The following NKAIN2 variants were observed in gnomAD, a reference collection of about 807,000 sequenced individuals.
The protein encoded by NKAIN2 is sodium/potassium transporting ATPase interacting 2, also known as sodium/potassium-transporting ATPase subunit beta-1-interacting protein 2.
NKAIN2 carries 14 observed loss-of-function variants against 32.6 expected under a neutral mutation model. The observed-to-expected ratio is 0.43, with a 90% CI of 0.28 to 0.67. NKAIN2 has a LOEUF of 0.67. Among genes scored for constraint, NKAIN2 ranks in the 30% least tolerant of loss-of-function variants. The pLI is 0.17. For synonymous variants in NKAIN2, 80 were observed against 87.2 expected, an observed-to-expected ratio of 0.92 and a Z score of 0.46; for missense variants, 198 against 258.3, an observed-to-expected ratio of 0.77 and a Z score of 1.60.
At chr6:124,378,139 G>A (rs1800070397) in intron 3 of NKAIN2, among the ~76,000 whole-genome samples, 2 of 152,116 alleles carry the variant, frequency 1.3e-5, no homozygotes, top group Non-Finnish European at 2.9e-5. Flanking sequence ...TGTGAAGCAG[G>A]TTCACTGTGC....
chr6:124,237,381 TGA>T (rs971088697), intron 1 of NKAIN2, among the ~76,000 whole-genome samples: 2 of 152,052 alleles, frequency 1.3e-5, no homozygotes, highest in African/African-American at 2.4e-5. Flanking sequence ...TTGTTTTTTT[TGA>T]GAGAGAGAGC....
At chr6:124,175,490 TGA>T (rs1449541895) in intron 1 of NKAIN2, among the ~76,000 whole-genome samples, 1 of 152,168 alleles carries the variant, frequency 6.6e-6, no homozygotes, top group African/African-American at 2.4e-5. Flanking sequence ...ATATATGATG[TGA>T]GTTTCACATA....
intron 3 of NKAIN2, among the ~76,000 whole-genome samples, chr6:124,622,728 C>T (rs548720343): frequency 8.5e-5 from 13 of 152,206 alleles, no homozygotes; most frequent in African/African-American, 3.1e-4. Context: ...TGGTCTTCCC[C>T]CGGAGTTGAG....
At chr6:124,460,470 C>T (rs1583286109) in intron 3 of NKAIN2, among the ~76,000 whole-genome samples, 4 of 143,136 alleles carry the variant, frequency 2.8e-5, no homozygotes, top group Admixed American at 2.7e-4. Context: ...TTTAGTTAAC[C>T]CTCATTCTTT....
chr6:124,358,122 T>G (rs1337203590), intron 3 of NKAIN2, among the ~76,000 whole-genome samples: 1 of 152,240 alleles, frequency 6.6e-6, no homozygotes, highest in Non-Finnish European at 1.5e-5. Context: ...TTTTTATGGC[T>G]GCATAGTATT....
chr6:124,445,446 G>A (rs1397736089), intron 3 of NKAIN2, among the ~76,000 whole-genome samples: 7 of 151,874 alleles, frequency 4.6e-5, no homozygotes, highest in Admixed American at 3.9e-4. Context: ...GCATTTTATT[G>A]TACATTTTAT....
At chr6:124,001,117 G>A (rs1330757105) in intron 1 of NKAIN2, among the ~76,000 whole-genome samples, 1 of 151,804 alleles carries the variant, frequency 6.6e-6, no homozygotes, top group Non-Finnish European at 1.5e-5. Flanking sequence ...CCAAATTTGG[G>A]GTACCATCCA....
intron 3 of NKAIN2, among the ~76,000 whole-genome samples, chr6:124,474,881 A>ACATATATATT: frequency 6.8e-6 from 1 of 147,082 alleles, no homozygotes; most frequent in Non-Finnish European, 1.5e-5. Context: ...TATATTGTAT[A>ACATATATATT]TTATATATTA....
chr6:123,814,496 G>T (rs547034532), intron 1 of NKAIN2, among the ~76,000 whole-genome samples: 1 of 152,292 alleles, frequency 6.6e-6, no homozygotes, highest in East Asian at 1.9e-4. Flanking sequence ...ACAAAAATAT[G>T]TGGTGACATT....
intron 1 of NKAIN2, among the ~76,000 whole-genome samples, chr6:124,226,934 C>A (rs1792144011): frequency 6.6e-6 from 1 of 152,052 alleles, no homozygotes; most frequent in East Asian, 1.9e-4. Flanking sequence ...TGAATTCTCC[C>A]AATAATCCTG....
chr6:124,684,579 A>G (rs181005140), intron 4 of NKAIN2, among the ~76,000 whole-genome samples: 3 of 152,294 alleles, frequency 2.0e-5, no homozygotes, highest in Admixed American at 6.5e-5. Context: ...AAGTCTCATA[A>G]AACATATAAA....
At chr6:124,275,055 A>C (rs1794966809) in intron 1 of NKAIN2, among the ~76,000 whole-genome samples, 1 of 152,138 alleles carries the variant, frequency 6.6e-6, no homozygotes. Context: ...TCTGTTTTTT[A>C]AACCTCATAT....
At chr6:124,234,923 C>T (rs1792665314) in intron 1 of NKAIN2, among the ~76,000 whole-genome samples, 1 of 152,100 alleles carries the variant, frequency 6.6e-6, no homozygotes, top group South Asian at 2.1e-4. Flanking sequence ...AACAGTAGTT[C>T]CCCTAGTAGT....
intron 3 of NKAIN2, among the ~76,000 whole-genome samples, chr6:124,634,706 A>G (rs1783705584): frequency 6.6e-6 from 1 of 152,092 alleles, no homozygotes; most frequent in African/African-American, 2.4e-5. Flanking sequence ...CAAGTTTTAG[A>G]AGAGATATAG....
At chr6:123,976,474 A>T (rs571416696) in intron 1 of NKAIN2, among the ~76,000 whole-genome samples, 1 of 145,870 alleles carries the variant, frequency 6.9e-6, no homozygotes, top group East Asian at 2.0e-4. Flanking sequence ...GGACTAAAAA[A>T]TTCAAAATCC....
At position 124,647,872 on chromosome 6, in the gene NKAIN2, C is replaced by T. The variant is rs112303537; in HGVS notation, c.274-10314C>T. Among the ~76,000 whole-genome samples the T allele has an allele frequency of 6.4e-3, 970 of 152,260 alleles. 14 individuals carry two copies. The highest frequency in any genetic ancestry group is 0.022 in the African/African-American group (930 of 41,546). On this transcript the variant is annotated intron_variant, in intron 3 of 6. Coordinates refer to ENST00000368417, the MANE Select transcript of NKAIN2 (RefSeq NM_001040214.3). ...ATGTAATGAAAGCACATTCATCAGA[C>T]TTAAGAAACTAGTGACTAACATGCT...
chr6:123,990,137 GACTC>G (rs1317045357), intron 1 of NKAIN2, among the ~76,000 whole-genome samples: 4 of 152,098 alleles, frequency 2.6e-5, no homozygotes, highest in Non-Finnish European at 5.9e-5. Flanking sequence ...GATCTTGTGA[GACTC>G]ACTCACTATC....
intron 3 of NKAIN2, among the ~76,000 whole-genome samples, chr6:124,552,803 C>G (rs1780339422): frequency 6.6e-6 from 1 of 152,200 alleles, no homozygotes; most frequent in Non-Finnish European, 1.5e-5. Flanking sequence ...CTGAGTATCT[C>G]AGTCGTTAAA....
At chr6:124,395,672 C>G (rs572850085) in intron 3 of NKAIN2, among the ~76,000 whole-genome samples, 1 of 152,176 alleles carries the variant, frequency 6.6e-6, no homozygotes, top group African/African-American at 2.4e-5. Context: ...ATCATTATCC[C>G]CATTTCACTT....
Sources: allele counts gnomAD v4.1 joint callset (sites outside exome capture counted in the v4.1 genomes callset), GRCh38; gene constraint gnomAD v4.1.1; transcripts MANE v1.5; gene names NCBI Gene and HGNC (gene_info 2026-07-23, HGNC 2026-07-21).